The following KCNH5 variants were observed in gnomAD, a reference collection of about 807,000 sequenced individuals.
KCNH5 encodes the protein potassium voltage-gated channel subfamily H member 5.
In KCNH5, 46 loss-of-function variants were observed where a neutral mutation model predicts 96.1. The ratio of observed to expected loss-of-function variants is 0.48; its 90% CI spans 0.38 to 0.61. The LOEUF is 0.61. KCNH5 is among the 20% of genes least tolerant of loss of function. The probability of loss-of-function intolerance (pLI) is 0.00; values close to 1 mark genes in which losing one functional copy is unlikely to be tolerated. For missense variants in KCNH5, 907 were observed against 1,225.8 expected (o/e 0.74, Z 3.88); for synonymous variants, 439 against 449.8 (o/e 0.98, Z 0.30).
At chr14:62,826,962 G>A (rs1887239935) in intron 8 of KCNH5, among the ~76,000 whole-genome samples, 1 of 151,956 alleles carries the variant, frequency 6.6e-6, no homozygotes, top group East Asian at 1.9e-4. Flanking sequence ...GGGTGATCAA[G>A]ATCAAAAGAT....
chr14:62,842,446 A>C (rs574289108), intron 8 of KCNH5, among the ~76,000 whole-genome samples: 1 of 152,378 alleles, frequency 6.6e-6, no homozygotes, highest in South Asian at 2.1e-4. Context: ...AGTAGGTAAC[A>C]ACTGAGAAAC....
At chr14:62,915,844 T>C (rs1889262315) in intron 7 of KCNH5, among the ~76,000 whole-genome samples, 1 of 152,208 alleles carries the variant, frequency 6.6e-6, no homozygotes, top group African/African-American at 2.4e-5. Context: ...ATAGGTGTCA[T>C]AACCCCCACG....
intron 2 of KCNH5, among the ~76,000 whole-genome samples, chr14:63,007,119 C>T (rs187492149): frequency 3.9e-5 from 6 of 152,192 alleles, no homozygotes; most frequent in Admixed American, 3.9e-4. Flanking sequence ...TTGGGAGACT[C>T]TAAATATGCA....
intron 7 of KCNH5, among the ~76,000 whole-genome samples, chr14:62,925,247 A>C (rs571277676): frequency 6.6e-6 from 1 of 152,136 alleles, no homozygotes; most frequent in Non-Finnish European, 1.5e-5. Flanking sequence ...TAACTAAAAG[A>C]CATATGTTTT....
intron 7 of KCNH5, among the ~76,000 whole-genome samples, chr14:62,944,157 G>C (rs1889842443): frequency 6.6e-6 from 1 of 152,120 alleles, no homozygotes; most frequent in Non-Finnish European, 1.5e-5. Flanking sequence ...GCCTAGGAAA[G>C]GAAAGGCCAT....
At chr14:62,952,322 T>C (rs1297720564) in intron 6 of KCNH5, among the ~76,000 whole-genome samples, 2 of 152,140 alleles carry the variant, frequency 1.3e-5, no homozygotes, top group East Asian at 3.9e-4. Context: ...GAAGACAAAT[T>C]TGTGTAATTC....
At chr14:62,917,043 A>G (rs1269422818) in intron 7 of KCNH5, among the ~76,000 whole-genome samples, 1 of 152,206 alleles carries the variant, frequency 6.6e-6, no homozygotes, top group East Asian at 1.9e-4. Context: ...CACACCAATG[A>G]TATTGGAATA....
At chr14:62,810,422 G>A (rs1324621486) in intron 8 of KCNH5, among the ~76,000 whole-genome samples, 2 of 152,092 alleles carry the variant, frequency 1.3e-5, no homozygotes, top group South Asian at 2.1e-4. Flanking sequence ...TTGAATAGGA[G>A]CTGGGTAAAA....
intron 7 of KCNH5, among the ~76,000 whole-genome samples, chr14:62,859,610 T>C (rs549827934): frequency 5.9e-5 from 9 of 152,358 alleles, no homozygotes; most frequent in Non-Finnish European, 1.3e-4. Context: ...TCCCTGACCA[T>C]CCAGCCAAAC....
In KCNH5 at chr14:62,700,674, G is replaced by A. The variant is rs1379596434; in HGVS notation, c.*6834C>T. 1 of 152,140 alleles carries A rather than the reference G, an allele frequency of 6.6e-6. No individual in the cohort carries two copies. Among genetic ancestry groups the A allele is most frequent in the African/African-American group, 2.4e-5 (1 of 41,438 alleles). 9.4% of individuals were successfully genotyped at this position (152,140 alleles called of 1,614,324 possible). ...TAAATACTTAGGACTATCAAACACT[G>A]TAACATGGAATTATAAATGAATCTT... On this transcript the variant is annotated 3_prime_UTR_variant, in exon 11 of 11. Coordinates refer to ENST00000322893, the MANE Select transcript of KCNH5 (RefSeq NM_139318.5).
chr14:62,884,581 G>A (rs1264356877), intron 7 of KCNH5, among the ~76,000 whole-genome samples: 1 of 152,146 alleles, frequency 6.6e-6, no homozygotes, highest in African/African-American at 2.4e-5. Flanking sequence ...AGCTGAGATC[G>A]CGCCACTGCA....
intron 7 of KCNH5, among the ~76,000 whole-genome samples, chr14:62,934,865 G>A (rs1398216607): frequency 6.6e-6 from 1 of 152,074 alleles, no homozygotes; most frequent in African/African-American, 2.4e-5. Context: ...CAGAAAACAT[G>A]GGGGTGGGTG....
chr14:63,035,871 A>G (rs1178356512), intron 1 of KCNH5, among the ~76,000 whole-genome samples: 1 of 152,184 alleles, frequency 6.6e-6, no homozygotes, highest in Non-Finnish European at 1.5e-5. Flanking sequence ...GCTTCACCAA[A>G]TCTTCTGAGC....
chr14:62,968,621 G>A (rs994207908), intron 6 of KCNH5, among the ~76,000 whole-genome samples: 35 of 152,214 alleles, frequency 2.3e-4, no homozygotes, highest in Non-Finnish European at 8.8e-5. Context: ...GCACAGCTAA[G>A]ATTATGTCAC....
At chr14:62,998,728 T>C (rs1309139661) in intron 4 of KCNH5, among the ~76,000 whole-genome samples, 1 of 152,238 alleles carries the variant, frequency 6.6e-6, no homozygotes, top group Non-Finnish European at 1.5e-5. Context: ...AGAAACATGT[T>C]TCATTTCCAA....
At chr14:63,031,654 G>T (rs747327142) in intron 1 of KCNH5, among the ~76,000 whole-genome samples, 2 of 152,148 alleles carry the variant, frequency 1.3e-5, no homozygotes, top group Non-Finnish European at 2.9e-5. Flanking sequence ...GGATAAATAA[G>T]TCTAGGGATC....
At chr14:62,941,412 ACTGGACTACACATCTGAGACTGCC>A (rs1277263671) in intron 7 of KCNH5, among the ~76,000 whole-genome samples, 1 of 152,212 alleles carries the variant, frequency 6.6e-6, no homozygotes, top group African/African-American at 2.4e-5. Flanking sequence ...TTTTCTAACT[ACTGGACTACACATCTGAGACTGCC>A]CTGGACTACA....
At chr14:63,018,888 A>G (rs2139609836) in intron 1 of KCNH5, among the ~76,000 whole-genome samples, 1 of 152,090 alleles carries the variant, frequency 6.6e-6, no homozygotes. Flanking sequence ...GCAGTAGAAA[A>G]AGAAGTCAAT....
rs34357540 is a variant in KCNH5 at position 62,820,351 on chromosome 14, C to CTT, written c.1570-17772_1570-17771dup. 2.2e-3 allele frequency among the ~76,000 whole-genome samples: 325 copies of CTT among 144,966 alleles called. 7 individuals carry two copies. The highest frequency in any genetic ancestry group is 8.7e-3 in the South Asian group (40 of 4,576). On this transcript the variant is annotated intron_variant, in intron 8 of 10. Coordinates refer to ENST00000322893, the MANE Select transcript of KCNH5 (RefSeq NM_139318.5). ...ATTAAGTAATTTATTTTGTTATATA[C>CTT]TTTTTTTTTTTTTGAGATGGAGTCT... is the stretch of plus-strand genomic sequence containing the variant.
Sources: allele counts gnomAD v4.1 joint callset (sites outside exome capture counted in the v4.1 genomes callset), GRCh38; gene constraint gnomAD v4.1.1; transcripts MANE v1.5; gene names NCBI Gene and HGNC (gene_info 2026-07-23, HGNC 2026-07-21).